The following FTO variants were observed in gnomAD, a reference collection of about 807,000 sequenced individuals.
The protein encoded by FTO is alpha-ketoglutarate-dependent dioxygenase FTO.
A neutral mutation model predicts 63.9 loss-of-function variants in FTO; 47 were observed. The ratio of observed to expected loss-of-function variants is 0.74; its 90% CI spans 0.58 to 0.94. FTO has a LOEUF of 0.94. FTO is among the 40% of genes least tolerant of loss of function. The probability of loss-of-function intolerance (pLI) is 0.00; values close to 1 mark genes in which losing one functional copy is unlikely to be tolerated. For synonymous variants in FTO, 207 were observed against 224.4 expected, an observed-to-expected ratio of 0.92 and a Z score of 0.69; for missense variants, 562 against 618.1, an observed-to-expected ratio of 0.91 and a Z score of 0.96.
chr16:53,988,125 G>A (rs1326891026), intron 8 of FTO, among the ~76,000 whole-genome samples: 1 of 152,184 alleles, frequency 6.6e-6, no homozygotes, highest in African/African-American at 2.4e-5. Flanking sequence ...AATTTGGACT[G>A]TCTGGAACCA....
At chr16:54,004,389 C>CAAATAAATAAAT (rs60440155) in intron 8 of FTO, among the ~76,000 whole-genome samples, 27 of 148,588 alleles carry the variant, frequency 1.8e-4, no homozygotes, top group African/African-American at 6.2e-4. Flanking sequence ...CAAGACCCTG[C>CAAATAAATAAAT]AAATAAATAA....
In FTO at chr16:53,795,469, G is replaced by A. The variant is rs978047589; in HGVS notation, c.46-14671G>A. Among the ~76,000 whole-genome samples the A allele has an allele frequency of 1.6e-4, 25 of 151,732 alleles. No individual in the cohort carries two copies. In the East Asian group the frequency reaches 1.7e-3, roughly 11 times the overall value. ...TACATTTGTGTGTGTGTGTGTGTGC[G>A]TGCGTGTGTGTGTGTGTAGAGACCA... On this transcript the variant is annotated intron_variant, in intron 1 of 8. Transcript: ENST00000471389.
At chr16:53,802,964 G>A (rs952612387) in intron 1 of FTO, among the ~76,000 whole-genome samples, 2 of 152,082 alleles carry the variant, frequency 1.3e-5, no homozygotes, top group African/African-American at 4.8e-5. Flanking sequence ...GTGAACTATA[G>A]CTATACTTAC....
intron 1 of FTO, among the ~76,000 whole-genome samples, chr16:53,787,875 GT>G (rs773256461): frequency 8.5e-5 from 13 of 152,196 alleles, no homozygotes; most frequent in Non-Finnish European, 1.8e-4. Flanking sequence ...ATTGCTATTG[GT>G]TTATGGAAGA....
rs369451643 is a variant in FTO, at chr16:53,878,962, C to A, written c.976-882C>A. Among the ~76,000 whole-genome samples, 7 of 152,262 alleles carry A rather than the reference C, an allele frequency of 4.6e-5. No homozygotes were observed. The South Asian group carries it at 6.2e-4, about 14-fold the overall frequency. ...GCCACTGCCTAGTGTATGCTTTTTG[C>A]AGAAAAGAGAAATGAGTTCTTTGCC... On this transcript the variant is annotated intron_variant, in intron 5 of 8. Transcript: ENST00000471389.
chr16:54,056,128 A>G (rs1469213928), intron 8 of FTO, among the ~76,000 whole-genome samples: 2 of 152,224 alleles, frequency 1.3e-5, no homozygotes, highest in South Asian at 2.1e-4. Flanking sequence ...AATAGCATGC[A>G]TGATATCACA....
chr16:53,824,750 C>T (rs1286224732), intron 2 of FTO, among the ~76,000 whole-genome samples: 3 of 152,152 alleles, frequency 2.0e-5, no homozygotes, highest in Admixed American at 2.0e-4. Context: ...ATGTGTTGAT[C>T]ATGTCTGACT....
In FTO at chr16:53,889,602, G is replaced by T. The variant is rs144601277; in HGVS notation, c.1239+651G>T. Among the ~76,000 whole-genome samples the T allele has an allele frequency of 1.8e-4, 28 of 152,258 alleles. No individual in the cohort carries two copies. The East Asian group carries it at 4.6e-3, about 25-fold the overall frequency. The stretch of plus-strand genomic sequence containing the variant: ...GTATTACATTCAGACCACTTGAGCC[G>T]GCTGGGATGGTGGTGAAATGGCAGA... On this transcript the variant is annotated intron_variant, in intron 7 of 8. Transcript: ENST00000471389.
chr16:54,103,559 G>A (rs1425753020), intron 8 of FTO, among the ~76,000 whole-genome samples: 1 of 152,156 alleles, frequency 6.6e-6, no homozygotes, highest in Non-Finnish European at 1.5e-5. Flanking sequence ...AAAAGTGAAC[G>A]TGTCTTTTGT....
At chr16:54,084,879 A>G (rs2086227053) in intron 8 of FTO, among the ~76,000 whole-genome samples, 1 of 152,170 alleles carries the variant, frequency 6.6e-6, no homozygotes, top group Non-Finnish European at 1.5e-5. Flanking sequence ...TGTCCTCTGT[A>G]CCCATTCCTG....
chr16:53,832,227 C>T (rs983195523), intron 3 of FTO, among the ~76,000 whole-genome samples: 1 of 152,118 alleles, frequency 6.6e-6, no homozygotes, highest in African/African-American at 2.4e-5. Flanking sequence ...CATTTTCTCC[C>T]CTCTGTGAAT....
intron 7 of FTO, among the ~76,000 whole-genome samples, chr16:53,892,657 C>T (rs1313180870): frequency 6.6e-6 from 1 of 152,078 alleles, no homozygotes; most frequent in African/African-American, 2.4e-5. Flanking sequence ...TTTGTCTGTT[C>T]TGCAAAATAA....
At chr16:53,811,573 C>T (rs961487053) in intron 2 of FTO, among the ~76,000 whole-genome samples, 1 of 152,130 alleles carries the variant, frequency 6.6e-6, no homozygotes, top group Non-Finnish European at 1.5e-5. Context: ...CCTCTTTGCC[C>T]CCCTTCATCC....
chr16:54,084,327 G>T (rs2086213904), intron 8 of FTO, among the ~76,000 whole-genome samples: 1 of 152,164 alleles, frequency 6.6e-6, no homozygotes, highest in Admixed American at 6.5e-5. Flanking sequence ...TCCTGTTCTA[G>T]TCTTTTCCAA....
At chr16:54,065,163 T>C (rs2085694259) in intron 8 of FTO, among the ~76,000 whole-genome samples, 1 of 138,568 alleles carries the variant, frequency 7.2e-6, no homozygotes, top group Non-Finnish European at 1.6e-5. Flanking sequence ...TATTTATTAA[T>C]GTACTGATTT....
chr16:53,892,567 T>C (rs2081176271), intron 7 of FTO, among the ~76,000 whole-genome samples: 1 of 152,198 alleles, frequency 6.6e-6, no homozygotes, highest in African/African-American at 2.4e-5. Flanking sequence ...TTTAGACAAA[T>C]GATTCTTTTT....
rs377460290 is a variant in FTO at position 53,996,858 on chromosome 16, C to T, written c.1364+62749C>T. ...GCACGGGGGCTCACACCTGTAATCC[C>T]AGCACTTTGGGAGGCCGAGGCAGGC... On this transcript the variant is annotated intron_variant, in intron 8 of 8. Transcript: ENST00000471389. Among the ~76,000 whole-genome samples, 8 of 152,230 alleles carry T rather than the reference C, an allele frequency of 5.3e-5. No homozygotes were observed. In the East Asian group the frequency reaches 1.4e-3, roughly 26 times the overall value.
chr16:53,970,899 A>G (rs9940629), intron 8 of FTO, among the ~76,000 whole-genome samples: 87,762 of 152,080 alleles, frequency 0.58, 25,735 homozygotes, highest in East Asian at 0.83. Flanking sequence ...TACATAATGC[A>G]GAACATAAGT....
intron 8 of FTO, among the ~76,000 whole-genome samples, chr16:54,099,631 A>G (rs1267129958): frequency 6.6e-6 from 1 of 152,156 alleles, no homozygotes; most frequent in Admixed American, 6.5e-5. Flanking sequence ...CCCATTCATC[A>G]CTATCATTAT....
Sources: allele counts gnomAD v4.1 joint callset (sites outside exome capture counted in the v4.1 genomes callset), GRCh38; gene constraint gnomAD v4.1.1; transcripts MANE v1.5; gene names NCBI Gene and HGNC (gene_info 2026-07-23, HGNC 2026-07-21).